ZNF804B: variants seen among roughly 807,000 people sequenced by gnomAD.
ZNF804B encodes the protein zinc finger 804B.
A neutral mutation model predicts 101.4 loss-of-function variants in ZNF804B; 80 were observed. The ratio of observed to expected loss-of-function variants is 0.79; its 90% CI spans 0.66 to 0.95. The LOEUF is 0.95. Ranked by LOEUF, ZNF804B falls within the 40% of genes least tolerant of loss-of-function variation. The pLI is 0.00. For missense variants in ZNF804B, 1,673 were observed against 1,561.9 expected, an observed-to-expected ratio of 1.07 and a Z score of -1.20; for synonymous variants, 622 against 558.8, an observed-to-expected ratio of 1.11 and a Z score of -1.59.
At chr7:88,963,682 C>T (rs1793419301) in intron 1 of ZNF804B, among the ~76,000 whole-genome samples, 1 of 151,146 alleles carries the variant, frequency 6.6e-6, no homozygotes, top group Non-Finnish European at 1.5e-5. Context: ...AGTTGTATAT[C>T]ATCAAAATTA....
At chr7:88,883,294 A>G (rs974324807) in intron 1 of ZNF804B, among the ~76,000 whole-genome samples, 7 of 152,108 alleles carry the variant, frequency 4.6e-5, no homozygotes, top group African/African-American at 1.7e-4. Flanking sequence ...CATTTTGACA[A>G]ACAGTGAAAA....
At chr7:89,257,432 ATC>A (rs1474779948) in intron 2 of ZNF804B, among the ~76,000 whole-genome samples, 2 of 152,096 alleles carry the variant, frequency 1.3e-5, no homozygotes, top group Non-Finnish European at 1.5e-5. Context: ...TATAAGCTTA[ATC>A]TCTGAGTCCT....
At chr7:89,119,926 T>A (rs1215484377) in intron 1 of ZNF804B, among the ~76,000 whole-genome samples, 1 of 152,070 alleles carries the variant, frequency 6.6e-6, no homozygotes, top group Non-Finnish European at 1.5e-5. Context: ...CCCAAGTGGG[T>A]TGAGTTCCTT....
At chr7:89,090,951 G>A (rs78836971) in intron 1 of ZNF804B, among the ~76,000 whole-genome samples, 446 of 152,076 alleles carry the variant, frequency 2.9e-3, no homozygotes, top group Middle Eastern at 0.01. Flanking sequence ...AAAATAAAGG[G>A]GTGATCAGAA....
chr7:88,844,414 GT>G (rs1791338804), intron 1 of ZNF804B, among the ~76,000 whole-genome samples: 1 of 152,136 alleles, frequency 6.6e-6, no homozygotes, highest in Admixed American at 6.5e-5. Flanking sequence ...ACATTGACTA[GT>G]TGAAGAGAAA....
chr7:89,239,639 G>C (rs1789335875), intron 2 of ZNF804B, among the ~76,000 whole-genome samples: 1 of 152,010 alleles, frequency 6.6e-6, no homozygotes, highest in Admixed American at 6.6e-5. Flanking sequence ...GACTGATTCT[G>C]TGTTTGGTCA....
intron 1 of ZNF804B, among the ~76,000 whole-genome samples, chr7:88,918,244 C>T (rs934919816): frequency 4.6e-5 from 7 of 152,064 alleles, no homozygotes; most frequent in East Asian, 1.9e-4. Context: ...AAGTATAATC[C>T]GTTGGCATGT....
At chr7:89,278,957 A>T (rs1393876257) in intron 2 of ZNF804B, among the ~76,000 whole-genome samples, 1 of 152,006 alleles carries the variant, frequency 6.6e-6, no homozygotes. Context: ...GGCCATTTTC[A>T]CGATATTGAT....
At chr7:88,875,795 C>T (rs921244139) in intron 1 of ZNF804B, among the ~76,000 whole-genome samples, 26 of 152,298 alleles carry the variant, frequency 1.7e-4, no homozygotes, top group African/African-American at 4.3e-4. Context: ...AGGGAATCCT[C>T]GCTAACTCAT....
chr7:88,825,244 A>G (rs1791036636), intron 1 of ZNF804B, among the ~76,000 whole-genome samples: 1 of 152,158 alleles, frequency 6.6e-6, no homozygotes. Flanking sequence ...CAGCAAAGCT[A>G]GAGGTCCTGG....
At chr7:89,300,023 C>G (rs1226557627) in intron 2 of ZNF804B, among the ~76,000 whole-genome samples, 3 of 151,524 alleles carry the variant, frequency 2.0e-5, no homozygotes, top group African/African-American at 4.8e-5. Flanking sequence ...TCCATGTTGC[C>G]TCTCATTTTA....
chr7:89,128,018 A>T (rs1375252426), intron 1 of ZNF804B, among the ~76,000 whole-genome samples: 1 of 151,820 alleles, frequency 6.6e-6, no homozygotes, highest in Non-Finnish European at 1.5e-5. Context: ...GCACTGAAGT[A>T]CTTTTGTAGG....
In ZNF804B at chr7:89,334,705, A is replaced by G. The variant is rs377601222; in HGVS notation, c.1723A>G (p.Met575Val). 1.4e-5 allele frequency: 23 copies of G among 1,613,632 alleles called. No homozygotes were observed. In the African/African-American group the frequency reaches 2.5e-4, roughly 18 times the overall value. The change falls in exon 4 of 4, where the codon ATG becomes GTG. Residue 575 changes from methionine to valine, a missense_variant. Coordinates refer to ENST00000333190, the MANE Select transcript of ZNF804B (RefSeq NM_181646.5). ...EYTFSANDLE[M>V]KNPKVPLYLN... ...TACTTTCAGTGCAAATGATTTGGAA[A>G]TGAAAAATCCTAAAGTGCCTCTTTA... is the stretch of plus-strand genomic sequence containing the variant.
chr7:89,059,970 G>A lies in ZNF804B; in HGVS notation c.109-158185G>A, dbSNP rs115752253. ...TTTGAGACATTCTTCTGCTGCCTTG[G>A]AAATTAGAGCTCTGGACTGACTCAC... On this transcript the variant is annotated intron_variant, in intron 1 of 3. Coordinates refer to ENST00000333190, the MANE Select transcript of ZNF804B (RefSeq NM_181646.5). Among the ~76,000 whole-genome samples the A allele has an allele frequency of 3.5e-3, 532 of 152,216 alleles. 2 individuals carry two copies. Among genetic ancestry groups the A allele is most frequent in the African/African-American group, 0.012 (504 of 41,564 alleles).
intron 2 of ZNF804B, among the ~76,000 whole-genome samples, chr7:89,289,342 C>T (rs746293129): frequency 1.1e-4 from 17 of 151,174 alleles, no homozygotes; most frequent in Non-Finnish European, 1.5e-4. Context: ...CAACTGTCTA[C>T]GCAAAAAAAA....
chr7:89,044,612 G>T (rs763216185), intron 1 of ZNF804B, among the ~76,000 whole-genome samples: 2 of 152,206 alleles, frequency 1.3e-5, no homozygotes, highest in Admixed American at 1.3e-4. Context: ...CCAGGTTGAG[G>T]TGGTCTCAGA....
chr7:88,909,652 A>G (rs951514519), intron 1 of ZNF804B, among the ~76,000 whole-genome samples: 9 of 151,676 alleles, frequency 5.9e-5, no homozygotes, highest in Non-Finnish European at 7.4e-5. Context: ...ACAGGCTTGG[A>G]GTTTTCTTGA....
At chr7:89,323,565 A>C (rs781568467) in intron 2 of ZNF804B, among the ~76,000 whole-genome samples, 15 of 152,150 alleles carry the variant, frequency 9.9e-5, no homozygotes, top group Non-Finnish European at 1.6e-4. Context: ...ACACACTTGT[A>C]TCATAATTAT....
chr7:89,274,024 A>C (rs1404624844), intron 2 of ZNF804B, among the ~76,000 whole-genome samples: 1 of 152,016 alleles, frequency 6.6e-6, no homozygotes, highest in East Asian at 1.9e-4. Context: ...GAGTAGACAT[A>C]CTAAAAATCC....
Sources: allele counts gnomAD v4.1 joint callset (sites outside exome capture counted in the v4.1 genomes callset), GRCh38; gene constraint gnomAD v4.1.1; transcripts MANE v1.5; gene names NCBI Gene and HGNC (gene_info 2026-07-23, HGNC 2026-07-21).